Variants in ULK4 observed in about 807,000 individuals in gnomAD.
ULK4 encodes the protein inactive serine/threonine-protein kinase ULK4.
In ULK4, 133 loss-of-function variants were observed where a neutral mutation model predicts 160.6. That is an observed-to-expected ratio of 0.83 (90% CI 0.72 to 0.96). The LOEUF (loss-of-function observed/expected upper bound fraction) is 0.96, where lower values mean the gene tolerates loss of function less well. Ranked by LOEUF, ULK4 falls within the 40% of genes least tolerant of loss-of-function variation. ULK4 has a pLI of 0.00. For synonymous variants in ULK4, 534 were observed against 539.8 expected, an observed-to-expected ratio of 0.99 and a Z score of 0.15; for missense variants, 1,580 against 1,499.5, an observed-to-expected ratio of 1.05 and a Z score of -0.89.
chr3:41,326,877 C>T (rs1434131797), intron 35 of ULK4, among the ~76,000 whole-genome samples: 2 of 152,184 alleles, frequency 1.3e-5, no homozygotes, highest in Non-Finnish European at 2.9e-5. Context: ...ACTCAGCAGC[C>T]AGATTCCCTT....
chr3:41,303,001 A>G (rs4016425), intron 35 of ULK4, among the ~76,000 whole-genome samples: 23,612 of 152,230 alleles, frequency 0.16, 2,198 homozygotes, highest in African/African-American at 0.25. Context: ...GACAAAGACT[A>G]GAAGACAGAA....
intron 17 of ULK4, among the ~76,000 whole-genome samples, chr3:41,863,940 G>C (rs887708143): frequency 2.6e-5 from 4 of 151,940 alleles, no homozygotes; most frequent in Non-Finnish European, 4.4e-5. Flanking sequence ...GCACTCCCCA[G>C]CTGCCCCAGC....
At chr3:41,740,749 C>T (rs146572506) in intron 22 of ULK4, among the ~76,000 whole-genome samples, 1 of 152,102 alleles carries the variant, frequency 6.6e-6, no homozygotes, top group African/African-American at 2.4e-5. Context: ...ATGGGCAGCA[C>T]TGTGATTTGT....
chr3:41,472,096 GA>G (rs1324026062), intron 32 of ULK4, among the ~76,000 whole-genome samples: 3 of 150,282 alleles, frequency 2.0e-5, no homozygotes, highest in African/African-American at 7.3e-5. Flanking sequence ...TTTAGACTAA[GA>G]AAAAAAAGAG....
intron 1 of ULK4, among the ~76,000 whole-genome samples, chr3:41,955,965 A>G (rs1700469027): frequency 6.6e-6 from 1 of 152,208 alleles, no homozygotes; most frequent in Non-Finnish European, 1.5e-5. Context: ...GTGAGGCAGG[A>G]GAACAGGGTC....
intron 35 of ULK4, among the ~76,000 whole-genome samples, chr3:41,295,503 C>A (rs2079651617): frequency 7.6e-6 from 1 of 132,226 alleles, no homozygotes; most frequent in Non-Finnish European, 1.7e-5. Flanking sequence ...AAAACTTCTG[C>A]CACAGACTGG....
At position 41,705,439 on chromosome 3, in the gene ULK4, T is replaced by C. The variant is rs967254689; in HGVS notation, c.2635-134A>G. 2.0e-4 allele frequency: 90 copies of C among 458,554 alleles called. No individual in the cohort carries two copies. In the East Asian group the frequency reaches 3.0e-3, roughly 15 times the overall value. The allele number at this position is 458,554 out of a possible 1,614,324, so 28.4% of individuals were successfully genotyped here. On this transcript the variant is annotated intron_variant, in intron 25 of 36. Transcript: ENST00000301831. ...TAGACAGTATTAAATACTCTATACA[T>C]ATTATATTATTATAGTTACAAAAGT...
chr3:41,503,896 C>T (rs553421895), intron 32 of ULK4, among the ~76,000 whole-genome samples: 52 of 152,224 alleles, frequency 3.4e-4, no homozygotes, highest in Admixed American at 9.8e-4. Context: ...ATGTTTACCT[C>T]TAGAACTTCA....
chr3:41,666,766 G>A (rs1476250185), intron 29 of ULK4, among the ~76,000 whole-genome samples: 1 of 152,110 alleles, frequency 6.6e-6, no homozygotes, highest in South Asian at 2.1e-4. Flanking sequence ...CTACTACTTA[G>A]AAATATAACA....
intron 34 of ULK4, among the ~76,000 whole-genome samples, chr3:41,435,668 T>A (rs541766445): frequency 2.6e-4 from 40 of 152,172 alleles, no homozygotes; most frequent in African/African-American, 9.7e-4. Flanking sequence ...ACAGACAGGC[T>A]GGGTGCAGTG....
intron 35 of ULK4, among the ~76,000 whole-genome samples, chr3:41,391,046 T>C (rs1423089088): frequency 2.0e-5 from 3 of 152,166 alleles, no homozygotes; most frequent in Non-Finnish European, 2.9e-5. Context: ...AGTGAGAACA[T>C]GCAATGTTTA....
At chr3:41,908,054 T>TC in intron 11 of ULK4, 113 bp from the exon 12 acceptor site, 1 of 500,690 alleles carries the variant, frequency 2.0e-6, no homozygotes, top group Non-Finnish European at 3.1e-6. Context: ...GATGATTCCA[T>TC]ATACTGTCAC....
Position 41,947,420 on chromosome 3 carries a change from G to A in ULK4, c.138+7202C>T, listed in dbSNP as rs547190293. ...GCCAGTGGGGAGCATGATGGTAAATGCTATATGGAGAAGAGGAGAAAAAAG... is the reference window on the plus strand; with the variant it reads ...GCCAGTGGGGAGCATGATGGTAAATACTATATGGAGAAGAGGAGAAAAAAG... On this transcript the variant is annotated intron_variant, in intron 2 of 36. Coordinates refer to ENST00000301831, the MANE Select transcript of ULK4 (RefSeq NM_017886.4). Among the ~76,000 whole-genome samples the A allele has an allele frequency of 5.9e-5, 9 of 152,324 alleles. No individual in the cohort carries two copies. In the South Asian group the frequency reaches 1.9e-3, roughly 32 times the overall value.
intron 18 of ULK4, among the ~76,000 whole-genome samples, chr3:41,823,959 T>C (rs2041241334): frequency 6.6e-6 from 1 of 152,066 alleles, no homozygotes; most frequent in African/African-American, 2.4e-5. Flanking sequence ...GGTCAGGAGT[T>C]CAAGACCAGT....
intron 34 of ULK4, among the ~76,000 whole-genome samples, chr3:41,429,092 C>T (rs2082844384): frequency 6.6e-6 from 1 of 151,066 alleles, no homozygotes; most frequent in South Asian, 2.1e-4. Flanking sequence ...AGGGAAAAAA[C>T]ATAAACAGAC....
In ULK4 at chr3:41,468,275, C is replaced by G. The variant is rs866828811; in HGVS notation, c.3227-5022G>C. Reference sequence around the variant, plus strand: ...AGAAGCAAAAGATGATCAGAGAGAACAGAAAATTTCCCAAAGGACAGTCAA... The same window carrying G: ...AGAAGCAAAAGATGATCAGAGAGAAGAGAAAATTTCCCAAAGGACAGTCAA... On this transcript the variant is annotated intron_variant, in intron 32 of 36. Coordinates refer to ENST00000301831, the MANE Select transcript of ULK4 (RefSeq NM_017886.4). Among the ~76,000 whole-genome samples, 3 of 152,146 alleles carry G rather than the reference C, an allele frequency of 2.0e-5. No individual in the cohort carries two copies. In the South Asian group the frequency reaches 6.2e-4, roughly 32 times the overall value.
intron 22 of ULK4, among the ~76,000 whole-genome samples, chr3:41,731,588 C>G (rs191950929): frequency 6.7e-6 from 1 of 148,740 alleles, no homozygotes; most frequent in East Asian, 2.0e-4. Context: ...CAATTCTTAT[C>G]AAATTACCAA....
intron 34 of ULK4, among the ~76,000 whole-genome samples, chr3:41,415,275 T>A (rs1252083623): frequency 1.3e-5 from 2 of 152,138 alleles, no homozygotes; most frequent in Non-Finnish European, 2.9e-5. Context: ...TCTGGCCTGA[T>A]CCTGTCTTTT....
chr3:41,437,007 T>C (rs1249794957), intron 34 of ULK4, among the ~76,000 whole-genome samples: 1 of 152,128 alleles, frequency 6.6e-6, no homozygotes, highest in Non-Finnish European at 1.5e-5. Flanking sequence ...CAAGATAAAG[T>C]TTTATGCTCT....
Sources: allele counts gnomAD v4.1 joint callset (sites outside exome capture counted in the v4.1 genomes callset), GRCh38; gene constraint gnomAD v4.1.1; transcripts MANE v1.5; gene names NCBI Gene and HGNC (gene_info 2026-07-23, HGNC 2026-07-21).